KYAT1: variants seen among roughly 807,000 people sequenced by gnomAD.
KYAT1 encodes the protein kynurenine aminotransferase 1, also known as kynurenine--oxoglutarate transaminase 1.
A neutral mutation model predicts 52.4 loss-of-function variants in KYAT1; 47 were observed. That is an observed-to-expected ratio of 0.90 (90% CI 0.71 to 1.14). KYAT1 has a LOEUF of 1.14. Among genes scored for constraint, KYAT1 ranks in the 50% most tolerant of loss-of-function variants. The pLI, the probability that KYAT1 is intolerant of heterozygous loss-of-function variation, is 0.00. For synonymous variants in KYAT1, 212 were observed against 209.6 expected (o/e 1.01, Z -0.10); for missense variants, 480 against 557.9 (o/e 0.86, Z 1.41).
intron 1 of KYAT1, among the ~76,000 whole-genome samples, chr9:128,880,156 G>T (rs1442860147): frequency 6.6e-6 from 1 of 152,152 alleles, no homozygotes; most frequent in Non-Finnish European, 1.5e-5. Flanking sequence ...TTACAGGCGG[G>T]GACATGGAGG....
intron 11 of KYAT1, 61 bp downstream of exon 11, chr9:128,835,262 C>A: frequency 7.0e-7 from 1 of 1,433,860 alleles, no homozygotes; most frequent in Non-Finnish European, 9.8e-7. Flanking sequence ...TGCCTGGGCA[C>A]CCTTGAGCAG....
intron 3 of KYAT1, chr9:128,842,067 CTG>C: frequency 3.3e-6 from 1 of 300,990 alleles, no homozygotes; most frequent in East Asian, 1.1e-4. Context: ...TGATGCACAC[CTG>C]TAGTCCCAGT....
At chr9:128,872,798 C>T (rs1471940061) in intron 1 of KYAT1, among the ~76,000 whole-genome samples, 1 of 148,160 alleles carries the variant, frequency 6.7e-6, no homozygotes, top group Non-Finnish European at 1.5e-5. Context: ...GTTGGCCAGA[C>T]GTGGTGGCTC....
At chr9:128,869,982 G>A (rs1232022207) in intron 1 of KYAT1, among the ~76,000 whole-genome samples, 1 of 152,000 alleles carries the variant, frequency 6.6e-6, no homozygotes, top group African/African-American at 2.4e-5. Context: ...TTGAAATCCT[G>A]ACCTCAGGTG....
chr9:128,838,258 A>G lies in KYAT1; in HGVS notation c.311T>C (p.Leu104Pro). 1 of 1,614,206 alleles carries G rather than the reference A, an allele frequency of 6.2e-7. No homozygotes were observed. Among genetic ancestry groups the G allele is most frequent in the Non-Finnish European group, 8.5e-7 (1 of 1,180,032 alleles). The change falls in exon 4 of 13, where the codon CTG becomes CCG. Residue 104 changes from leucine (L) to proline (P), a missense_variant. Coordinates refer to ENST00000302586, the MANE Select transcript of KYAT1 (RefSeq NM_004059.5). Reference sequence around the variant, plus strand: ...CACCAGGGCCTGGAAGGCTGTGAACAGGGCCCCATAGCCACCAACAGTCAC... The same window carrying G: ...CACCAGGGCCTGGAAGGCTGTGAACGGGGCCCCATAGCCACCAACAGTCAC... ...VLVTVGGYGA[L>P]FTAFQALVDE...
chr9:128,838,986 A>G (rs1250471990), intron 3 of KYAT1, among the ~76,000 whole-genome samples: 2 of 128,258 alleles, frequency 1.6e-5, no homozygotes, highest in East Asian at 4.5e-4. Flanking sequence ...ATTTTGAGAC[A>G]GGGTCTCACT....
chr9:128,875,340 G>A (rs1051923871), intron 1 of KYAT1, among the ~76,000 whole-genome samples: 7 of 150,148 alleles, frequency 4.7e-5, no homozygotes, highest in Admixed American at 6.7e-5. Context: ...GCTCACTGGC[G>A]TGGTGGCTCA....
chr9:128,847,531 C>G (rs1436629888), intron 1 of KYAT1: 3 of 1,534,256 alleles, frequency 2.0e-6, no homozygotes, highest in Non-Finnish European at 2.6e-6. Context: ...CTGAACATGC[C>G]TCCCAGAGCC....
intron 1 of KYAT1, among the ~76,000 whole-genome samples, chr9:128,879,237 G>A (rs1055690694): frequency 1.4e-4 from 22 of 152,132 alleles, no homozygotes; most frequent in African/African-American, 5.3e-4. Context: ...GTGAACCCGG[G>A]AGGTGGAGCT....
intron 1 of KYAT1, among the ~76,000 whole-genome samples, chr9:128,875,111 G>A (rs1341618213): frequency 6.6e-6 from 1 of 152,168 alleles, no homozygotes; most frequent in East Asian, 1.9e-4. Context: ...CCTCATTTAT[G>A]TTGATAAGTT....
chr9:128,857,729 T>G (rs962388890), intron 1 of KYAT1, among the ~76,000 whole-genome samples: 5 of 152,058 alleles, frequency 3.3e-5, no homozygotes, highest in Admixed American at 3.3e-4. Context: ...CCAGCTGCTC[T>G]GGAGGCTGAG....
chr9:128,871,317 TAAAACAAAAC>T (rs200073072), intron 1 of KYAT1, among the ~76,000 whole-genome samples: 3 of 151,000 alleles, frequency 2.0e-5, no homozygotes, highest in African/African-American at 2.4e-5. Flanking sequence ...GACCTTGTCT[TAAAACAAAAC>T]AAAACAAAAC....
At chr9:128,841,338 A>T (rs533396401) in intron 3 of KYAT1, among the ~76,000 whole-genome samples, 2 of 152,226 alleles carry the variant, frequency 1.3e-5, no homozygotes, top group East Asian at 3.9e-4. Flanking sequence ...CCCCGTCTCT[A>T]CTAAAAATAC....
intron 7 of KYAT1, among the ~76,000 whole-genome samples, chr9:128,836,375 T>G (rs1013358891): frequency 5.5e-5 from 8 of 146,102 alleles, no homozygotes; most frequent in African/African-American, 2.0e-4. Context: ...CTTGCCTCAC[T>G]GCAACCTCCG....
intron 1 of KYAT1, among the ~76,000 whole-genome samples, chr9:128,864,477 T>C (rs1369194501): frequency 2.0e-5 from 3 of 152,252 alleles, no homozygotes; most frequent in East Asian, 3.9e-4. Flanking sequence ...GGAACTGTTT[T>C]CATCTTGTAA....
chr9:128,837,783 T>C lies in KYAT1; in HGVS notation c.469A>G (p.Ser157Gly), dbSNP rs1361505147. The change falls in exon 6 of 13, where the codon AGC (serine) becomes GGC (glycine). Residue 157 changes from serine to glycine, a missense_variant. Transcript: ENST00000302586. ...ATGGGGTCCAGCTGCCAGTTGCTGCTGGAACCCAGTTCTCCATTCTGGATG... is the reference window on the plus strand; with the variant it reads ...ATGGGGTCCAGCTGCCAGTTGCTGCCGGAACCCAGTTCTCCATTCTGGATG... ...GPIQNGELGS[S>G]SNWQLDPMEL... 6.2e-6 allele frequency: 10 copies of C among 1,613,970 alleles called. No homozygotes were observed. The highest frequency in any genetic ancestry group is 1.3e-5 in the African/African-American group (1 of 74,908).
chr9:128,842,641 T>TG lies in KYAT1; in HGVS notation c.201+12dup, dbSNP rs1248818788. ...CCTCCCCCAGTGCCTCCACGAGAGA[T>TG]GGGGAGACTCACAAATGTCTTGGTG... On this transcript the variant is annotated intron_variant, in intron 3 of 12. Transcript: ENST00000302586. The TG allele has an allele frequency of 1.1e-5, 18 of 1,611,756 alleles. No homozygotes were observed. Among genetic ancestry groups the TG allele is most frequent in the Non-Finnish European group, 1.4e-5 (17 of 1,178,274 alleles).
chr9:128,865,336 TATATATATATATATA>T (rs1564491629), intron 1 of KYAT1, among the ~76,000 whole-genome samples: 17 of 2,174 alleles, frequency 7.8e-3, no homozygotes, highest in South Asian at 0.031. Flanking sequence ...TATATATATA[TATATATATATATATA>T]TATATATATT....
chr9:128,860,979 T>C (rs555047138), intron 1 of KYAT1, among the ~76,000 whole-genome samples: 1 of 152,306 alleles, frequency 6.6e-6, no homozygotes, highest in African/African-American at 2.4e-5. Flanking sequence ...GACATAATAA[T>C]AATGATAAAG....
Sources: gnomAD v4.1 joint callset for allele counts (sites outside exome capture counted in the v4.1 genomes callset) on GRCh38, gnomAD v4.1.1 for gene constraint, MANE v1.5 for transcripts, NCBI Gene and HGNC (gene_info 2026-07-23, HGNC 2026-07-21) for gene names.